Variants in MBD5 observed in about 807,000 individuals in gnomAD.
The protein encoded by MBD5 is methyl-CpG-binding domain protein 5.
A neutral mutation model predicts 117.3 loss-of-function variants in MBD5; 13 were observed. The ratio of observed to expected loss-of-function variants is 0.11; its 90% CI spans 0.07 to 0.18. The LOEUF is 0.18. MBD5 is among the 10% of genes least tolerant of loss of function. The pLI, the probability that MBD5 is intolerant of heterozygous loss-of-function variation, is 1.00. For missense variants in MBD5, 1,879 were observed against 2,093.8 expected, an observed-to-expected ratio of 0.90 and a Z score of 2.00; for synonymous variants, 727 against 766.4, an observed-to-expected ratio of 0.95 and a Z score of 0.85.
chr2:148,021,499 C>A lies in MBD5; in HGVS notation c.-1110C>A. 1.8e-6 allele frequency: 1 copy of A among 566,536 alleles called. No homozygotes were observed. 35.1% of individuals were successfully genotyped at this position (566,536 alleles called of 1,614,324 possible). A position where few individuals can be genotyped will look rare whatever the true frequency, so the allele number is the denominator to read the frequency against. On this transcript the variant is annotated 5_prime_UTR_variant, in exon 1 of 14. It adds an upstream start codon to the 5' untranslated region. Transcript: ENST00000642680. Reference sequence around the variant, plus strand: ...GCTGCTGTTGCTGCTGCTGCTGCTACTGCTGCTGCTGCTACTGCTGCTGCT... The same window carrying A: ...GCTGCTGTTGCTGCTGCTGCTGCTAATGCTGCTGCTGCTACTGCTGCTGCT...
At chr2:148,460,028 T>C (rs773563839) in intron 5 of MBD5, among the ~76,000 whole-genome samples, 1 of 152,210 alleles carries the variant, frequency 6.6e-6, no homozygotes, top group Non-Finnish European at 1.5e-5. Flanking sequence ...CTTCAGAGTT[T>C]CTATTGCCAG....
At chr2:148,047,193 C>T (rs1452835855) in intron 1 of MBD5, among the ~76,000 whole-genome samples, 1 of 152,180 alleles carries the variant, frequency 6.6e-6, no homozygotes, top group Non-Finnish European at 1.5e-5. Context: ...ATGATGCACT[C>T]ATTTAACTTT....
chr2:148,185,460 T>TAGAAATTTGG (rs1382141590), intron 2 of MBD5, among the ~76,000 whole-genome samples: 1 of 152,256 alleles, frequency 6.6e-6, no homozygotes, highest in Non-Finnish European at 1.5e-5. Flanking sequence ...ATTACATTTC[T>TAGAAATTTGG]AGAAATTTCT....
Position 148,447,178 on chromosome 2 carries a change from GGAAA to G in MBD5, c.-556-10971_-556-10968del, listed in dbSNP as rs70995316. Among the ~76,000 whole-genome samples, 1,119 of 137,712 alleles carry G rather than the reference GGAAA, an allele frequency of 8.1e-3. 12 individuals are homozygous for G. Among genetic ancestry groups the G allele is most frequent in the African/African-American group, 0.026 (883 of 34,142 alleles). The allele number at this position is 137,712 out of a possible 152,430, so 90.3% of individuals were successfully genotyped here. On this transcript the variant is annotated intron_variant, in intron 4 of 13. Coordinates refer to ENST00000642680, the MANE Select transcript of MBD5 (RefSeq NM_001378120.1). Reference sequence around the variant, plus strand: ...AGGAAAGAAAGGAAGAAAGGAAGAAGGAAAGAAAGAAAGAAAGAAAGAAAGAAAG... The same window carrying G: ...AGGAAAGAAAGGAAGAAAGGAAGAAGGAAAGAAAGAAAGAAAGAAAGAAAG...
intron 2 of MBD5, among the ~76,000 whole-genome samples, chr2:148,180,084 T>G (rs1225158847): frequency 2.0e-5 from 3 of 151,766 alleles, no homozygotes. Flanking sequence ...AGAGTCTATT[T>G]TTTCTCCTTA....
At chr2:148,491,175 A>G (rs188664583) in intron 11 of MBD5, among the ~76,000 whole-genome samples, 1 of 151,288 alleles carries the variant, frequency 6.6e-6, no homozygotes, top group African/African-American at 2.5e-5. Context: ...TTTAAAACAT[A>G]TGGAAATGTT....
At chr2:148,138,359 C>G (rs921890097) in intron 1 of MBD5, among the ~76,000 whole-genome samples, 25 of 152,150 alleles carry the variant, frequency 1.6e-4, no homozygotes, top group Admixed American at 6.5e-5. Flanking sequence ...TCCAGACAGC[C>G]TAGCCATAGA....
At chr2:148,291,230 TAGCAACAA>T in intron 3 of MBD5, among the ~76,000 whole-genome samples, 1 of 152,328 alleles carries the variant, frequency 6.6e-6, no homozygotes, top group East Asian at 1.9e-4. Context: ...GTACCAATTT[TAGCAACAA>T]AGCTAGCTGG....
intron 1 of MBD5, among the ~76,000 whole-genome samples, chr2:148,043,926 A>G (rs1204962781): frequency 2.0e-5 from 3 of 152,322 alleles, no homozygotes; most frequent in Admixed American, 6.5e-5. Context: ...GGGATTTTCA[A>G]TTATAGCTAC....
chr2:148,096,764 C>G (rs1696079744), intron 1 of MBD5, among the ~76,000 whole-genome samples: 1 of 151,930 alleles, frequency 6.6e-6, no homozygotes, highest in Admixed American at 6.6e-5. Flanking sequence ...AATACAACAC[C>G]CAGAAGTACC....
At chr2:148,253,919 G>A (rs776144964) in intron 3 of MBD5, among the ~76,000 whole-genome samples, 11 of 152,216 alleles carry the variant, frequency 7.2e-5, no homozygotes, top group Non-Finnish European at 1.3e-4. Context: ...CAAACCTGCT[G>A]AGTCATGCTG....
At chr2:148,048,606 G>A (rs867275168) in intron 1 of MBD5, among the ~76,000 whole-genome samples, 52 of 152,128 alleles carry the variant, frequency 3.4e-4, no homozygotes, top group Admixed American at 7.2e-4. Context: ...CTGTTTTGGA[G>A]TTGGAGAGTA....
chr2:148,084,714 A>G (rs747212169), intron 1 of MBD5, among the ~76,000 whole-genome samples: 2 of 152,142 alleles, frequency 1.3e-5, no homozygotes, highest in Non-Finnish European at 2.9e-5. Flanking sequence ...AAAGTGCATT[A>G]CCATGAAATT....
intron 8 of MBD5, chr2:148,472,552 G>C (rs1574464674): frequency 1.3e-5 from 2 of 152,064 alleles, no homozygotes; most frequent in Non-Finnish European, 2.9e-5. Flanking sequence ...CTAATGCCAT[G>C]TTTCTTTTTG....
chr2:148,028,038 C>T (rs1322606096), intron 1 of MBD5: 2 of 152,028 alleles, frequency 1.3e-5, no homozygotes, highest in Non-Finnish European at 1.5e-5. Context: ...CACTGTAACT[C>T]ACTATAACTC....
At chr2:148,088,074 C>T (rs1573999699) in intron 1 of MBD5, among the ~76,000 whole-genome samples, 1 of 151,754 alleles carries the variant, frequency 6.6e-6, no homozygotes, top group South Asian at 2.1e-4. Flanking sequence ...ACAAAATGCA[C>T]TGGAAATTTC....
intron 1 of MBD5, among the ~76,000 whole-genome samples, chr2:148,136,399 G>A (rs779711811): frequency 2.6e-5 from 4 of 152,000 alleles, no homozygotes; most frequent in African/African-American, 9.7e-5. Flanking sequence ...AAATTTTGGC[G>A]AAAAGAAGAA....
At chr2:148,205,975 T>C (rs1558972100) in intron 2 of MBD5, among the ~76,000 whole-genome samples, 1 of 151,894 alleles carries the variant, frequency 6.6e-6, no homozygotes, top group Non-Finnish European at 1.5e-5. Flanking sequence ...ACCCCAGCTC[T>C]ACAAAAAATA....
intron 5 of MBD5, 58 bp downstream of exon 5, chr2:148,458,929 A>G: frequency 2.2e-6 from 3 of 1,362,756 alleles, no homozygotes; most frequent in Non-Finnish European, 3.2e-6. Flanking sequence ...GACTAAGGAG[A>G]GAACCAAGCA....
Sources: allele counts gnomAD v4.1 joint callset (sites outside exome capture counted in the v4.1 genomes callset), GRCh38; gene constraint gnomAD v4.1.1; transcripts MANE v1.5; gene names NCBI Gene and HGNC (gene_info 2026-07-23, HGNC 2026-07-21).